The following MAML2 variants were observed in gnomAD, a reference collection of about 807,000 sequenced individuals.
MAML2 encodes mastermind like transcriptional coactivator 2, also known as mastermind-like protein 2.
Under a neutral mutation model 96.1 loss-of-function variants are expected in MAML2, and 22 were observed. The ratio of observed to expected loss-of-function variants is 0.23; its 90% CI spans 0.16 to 0.33. MAML2 has a LOEUF of 0.33. Among genes scored for constraint, MAML2 ranks in the 10% least tolerant of loss-of-function variants. The pLI is 1.00. For missense variants in MAML2, 1,367 were observed against 1,392.4 expected (o/e 0.98, Z 0.29); for synonymous variants, 561 against 521.3 (o/e 1.08, Z -1.04).
intron 1 of MAML2, among the ~76,000 whole-genome samples, chr11:96,150,363 T>C (rs763860518): frequency 2.0e-5 from 3 of 152,164 alleles, no homozygotes; most frequent in Non-Finnish European, 2.9e-5. Flanking sequence ...ATAGGAAGGA[T>C]ACCTAACCCA....
intron 1 of MAML2, among the ~76,000 whole-genome samples, chr11:96,094,751 G>T (rs1296250695): frequency 6.6e-6 from 1 of 152,130 alleles, no homozygotes; most frequent in Non-Finnish European, 1.5e-5. Flanking sequence ...GGCTTTCCCA[G>T]TGCTGCAGAC....
chr11:96,226,612 T>A lies in MAML2; in HGVS notation c.513+114771A>T, dbSNP rs567485062. Among the ~76,000 whole-genome samples the A allele has an allele frequency of 1.4e-4, 21 of 152,338 alleles. No homozygotes were observed. In the South Asian group the frequency reaches 4.3e-3, roughly 32 times the overall value. ...CATTTAGTTTCAAGGAATATTAAAA[T>A]GTTTCACTTAGCAAAAATTAGAAAT... is the stretch of plus-strand genomic sequence containing the variant. On this transcript the variant is annotated intron_variant, in intron 1 of 4. Coordinates refer to ENST00000524717, the MANE Select transcript of MAML2 (RefSeq NM_032427.4).
chr11:96,110,429 T>C lies in MAML2; in HGVS notation c.514-16912A>G, dbSNP rs768370793. Among the ~76,000 whole-genome samples the C allele has an allele frequency of 1.0e-3, 154 of 152,222 alleles. 6 individuals carry two copies. Among genetic ancestry groups the C allele is most frequent in the Non-Finnish European group, 4.9e-4 (33 of 68,030 alleles). On this transcript the variant is annotated intron_variant, in intron 1 of 4. Coordinates refer to ENST00000524717, the MANE Select transcript of MAML2 (RefSeq NM_032427.4). The stretch of plus-strand genomic sequence containing the variant: ...TTTATGTTGTTCCTAGTCTTCCAAA[T>C]TTTCCTCCTTTTCTCTATCCCAACA...
At chr11:96,126,686 A>G (rs1049234047) in intron 1 of MAML2, among the ~76,000 whole-genome samples, 7 of 152,350 alleles carry the variant, frequency 4.6e-5, no homozygotes, top group African/African-American at 1.4e-4. Context: ...ATTGGATCTT[A>G]GAGACTGGGA....
At chr11:96,188,310 A>AC (rs1465942837) in intron 1 of MAML2, among the ~76,000 whole-genome samples, 2 of 152,346 alleles carry the variant, frequency 1.3e-5, no homozygotes, top group East Asian at 3.9e-4. Flanking sequence ...AGATTTTAAA[A>AC]CTGCTTTTGC....
chr11:96,157,136 A>G (rs1861022155), intron 1 of MAML2, among the ~76,000 whole-genome samples: 1 of 152,248 alleles, frequency 6.6e-6, no homozygotes, highest in African/African-American at 2.4e-5. Flanking sequence ...TAGGTTTCTC[A>G]ATGCTGACAT....
chr11:96,006,942 T>C (rs1858191413), intron 2 of MAML2, among the ~76,000 whole-genome samples: 1 of 151,796 alleles, frequency 6.6e-6, no homozygotes. Context: ...TTGTTTCTTT[T>C]TGTTTGGAAT....
chr11:96,191,909 T>C (rs950971485), intron 1 of MAML2, among the ~76,000 whole-genome samples: 7 of 152,052 alleles, frequency 4.6e-5, no homozygotes, highest in African/African-American at 1.7e-4. Flanking sequence ...ACTCAGGAAA[T>C]GGATCATCAT....
intron 1 of MAML2, among the ~76,000 whole-genome samples, chr11:96,322,641 G>A (rs899684044): frequency 3.3e-5 from 5 of 152,306 alleles, no homozygotes; most frequent in African/African-American, 4.8e-5. Context: ...GCAGTGAGCC[G>A]AGATCGCGCC....
chr11:95,982,961 T>C (rs1857765269), intron 4 of MAML2, among the ~76,000 whole-genome samples: 2 of 152,214 alleles, frequency 1.3e-5, no homozygotes, highest in South Asian at 4.1e-4. Flanking sequence ...GTAACATTTT[T>C]TATCTTCCTT....
intron 2 of MAML2, among the ~76,000 whole-genome samples, chr11:96,081,808 T>G (rs771890289): frequency 3.1e-4 from 47 of 152,240 alleles, no homozygotes; most frequent in Admixed American, 7.2e-4. Flanking sequence ...ATTTTACAGA[T>G]GACACAGCTT....
In MAML2 at chr11:95,978,021, G is replaced by A. The variant is rs1303734006; in HGVS notation, c.*927C>T. Reference sequence around the variant, plus strand: ...AGCCTCAGTCATCAAAATGAGTAGGGAGGACGAGGTTCAATTTCACTCAGC... The same window carrying A: ...AGCCTCAGTCATCAAAATGAGTAGGAAGGACGAGGTTCAATTTCACTCAGC... On this transcript the variant is annotated 3_prime_UTR_variant, in exon 5 of 5. Transcript: ENST00000524717. 2 of 219,706 alleles carry A rather than the reference G, an allele frequency of 9.1e-6. No homozygotes were observed. The highest frequency in any genetic ancestry group is 1.8e-5 in the Non-Finnish European group (2 of 109,552). The allele number at this position is 219,706 out of a possible 1,614,324, so 13.6% of individuals were successfully genotyped here. A position where few individuals can be genotyped will look rare whatever the true frequency, so the allele number is the denominator to read the frequency against.
intron 1 of MAML2, among the ~76,000 whole-genome samples, chr11:96,295,425 G>A (rs1294839899): frequency 6.6e-6 from 1 of 152,252 alleles, no homozygotes; most frequent in East Asian, 1.9e-4. Context: ...GCCTAAATGA[G>A]ATGAACTATA....
chr11:96,240,893 T>A (rs1395173723), intron 1 of MAML2, among the ~76,000 whole-genome samples: 4 of 152,190 alleles, frequency 2.6e-5, no homozygotes. Flanking sequence ...AGATGTCTAA[T>A]TCTCCTGAAA....
chr11:96,177,630 A>T (rs999295730), intron 1 of MAML2, among the ~76,000 whole-genome samples: 1 of 152,204 alleles, frequency 6.6e-6, no homozygotes, highest in African/African-American at 2.4e-5. Context: ...TCTTTTTCAT[A>T]GAAAAGCTGC....
intron 3 of MAML2, among the ~76,000 whole-genome samples, chr11:95,989,429 G>T (rs1380240789): frequency 6.6e-6 from 1 of 152,208 alleles, no homozygotes; most frequent in Non-Finnish European, 1.5e-5. Context: ...GGCCCAGTGG[G>T]AGTTAGCCCA....
At chr11:96,021,217 A>G (rs1858430670) in intron 2 of MAML2, among the ~76,000 whole-genome samples, 1 of 152,170 alleles carries the variant, frequency 6.6e-6, no homozygotes, top group Non-Finnish European at 1.5e-5. Context: ...TCTCTTCTCC[A>G]TTAGACTGGG....
At chr11:96,297,765 C>T (rs1591120085) in intron 1 of MAML2, among the ~76,000 whole-genome samples, 1 of 152,182 alleles carries the variant, frequency 6.6e-6, no homozygotes, top group African/African-American at 2.4e-5. Context: ...TTATTCCCTA[C>T]ATTGTTCTTG....
At chr11:96,254,395 T>G (rs1477541828) in intron 1 of MAML2, among the ~76,000 whole-genome samples, 2 of 150,596 alleles carry the variant, frequency 1.3e-5, no homozygotes, top group African/African-American at 4.9e-5. Context: ...GCAGCTCTTT[T>G]TTTTTTTTTT....
Sources: allele counts gnomAD v4.1 joint callset (sites outside exome capture counted in the v4.1 genomes callset), GRCh38; gene constraint gnomAD v4.1.1; transcripts MANE v1.5; gene names NCBI Gene and HGNC (gene_info 2026-07-23, HGNC 2026-07-21).